The following CYP20A1 variants were observed in gnomAD, a reference collection of about 807,000 sequenced individuals.
The protein encoded by CYP20A1 is cytochrome P450 20A1.
Under a neutral mutation model 61.4 loss-of-function variants are expected in CYP20A1, and 61 were observed. The ratio of observed to expected loss-of-function variants is 0.99; its 90% CI spans 0.81 to 1.23. The LOEUF is 1.23. CYP20A1 is among the 50% of genes most tolerant of loss of function. The pLI is 0.00. For missense variants in CYP20A1, 530 were observed against 542.4 expected, an observed-to-expected ratio of 0.98 and a Z score of 0.23; for synonymous variants, 193 against 188.2, an observed-to-expected ratio of 1.03 and a Z score of -0.21.
intron 7 of CYP20A1, among the ~76,000 whole-genome samples, chr2:203,279,235 G>A (rs2067949271): frequency 6.6e-6 from 1 of 152,062 alleles, no homozygotes; most frequent in African/African-American, 2.4e-5. Flanking sequence ...CAAAGTGCTG[G>A]GATTACAGGT....
intron 11 of CYP20A1, among the ~76,000 whole-genome samples, chr2:203,294,941 A>ATTTTTTTTTTTTTTTTTT (rs1167546590): frequency 2.2e-5 from 1 of 45,432 alleles, no homozygotes; most frequent in Non-Finnish European, 3.9e-5. Flanking sequence ...CTTTAAAAAA[A>ATTTTTTTTTTTTTTTTTT]TTTTTTTTTT....
chr2:203,264,787 T>C (rs1415233049), intron 4 of CYP20A1, among the ~76,000 whole-genome samples: 1 of 152,152 alleles, frequency 6.6e-6, no homozygotes, highest in Non-Finnish European at 1.5e-5. Context: ...TGGAGTGCAG[T>C]GGTGCAATCT....
chr2:203,278,706 T>C lies in CYP20A1; in HGVS notation c.795+18T>C, dbSNP rs939052149. 6.6e-6 allele frequency: 9 copies of C among 1,358,510 alleles called. No individual in the cohort carries two copies. Among genetic ancestry groups the C allele is most frequent in the African/African-American group, 1.5e-5 (1 of 68,062 alleles). 84.2% of individuals were successfully genotyped at this position (1,358,510 alleles called of 1,614,324 possible). On this transcript the variant is annotated intron_variant, in intron 7 of 12. Transcript: ENST00000356079. The stretch of plus-strand genomic sequence containing the variant: ...ACCAACAGGTGATATAATTGTTAAA[T>C]GTTTATCAGGTAAAAAAATAAGCCA...
rs199700245 is a variant in CYP20A1, at chr2:203,278,697, A to G, written c.795+9A>G. 3.7e-5 allele frequency: 53 copies of G among 1,413,380 alleles called. No homozygotes were observed. Among genetic ancestry groups the G allele is most frequent in the Admixed American group, 6.1e-5 (3 of 49,508 alleles). 87.6% of individuals were successfully genotyped at this position (1,413,380 alleles called of 1,614,324 possible). A position where few individuals can be genotyped will look rare whatever the true frequency, so the allele number is the denominator to read the frequency against. On this transcript the variant is annotated intron_variant, in intron 7 of 12. Coordinates refer to ENST00000356079, the MANE Select transcript of CYP20A1 (RefSeq NM_177538.3). ...ACCTTAATGACCAACAGGTGATATA[A>G]TTGTTAAATGTTTATCAGGTAAAAA...
chr2:203,257,149 CAA>C (rs939628433), intron 4 of CYP20A1, among the ~76,000 whole-genome samples: 2 of 139,280 alleles, frequency 1.4e-5, no homozygotes, highest in Non-Finnish European at 3.1e-5. Context: ...CCTGTCTCTA[CAA>C]AAAAAAAAAG....
chr2:203,275,672 T>C (rs2067789993), intron 6 of CYP20A1, among the ~76,000 whole-genome samples: 1 of 152,200 alleles, frequency 6.6e-6, no homozygotes, highest in Non-Finnish European at 1.5e-5. Context: ...ACTCCTGACT[T>C]CAAGTGATCC....
intron 1 of CYP20A1, among the ~76,000 whole-genome samples, 162 bp downstream of exon 1, chr2:203,239,296 G>T (rs954048559): frequency 2.0e-5 from 3 of 152,154 alleles, no homozygotes; most frequent in African/African-American, 7.2e-5. Flanking sequence ...CCGGAGTCAC[G>T]TGACGCCCCT....
chr2:203,264,353 A>G (rs1485010116), intron 4 of CYP20A1, among the ~76,000 whole-genome samples: 1 of 151,990 alleles, frequency 6.6e-6, no homozygotes, highest in Non-Finnish European at 1.5e-5. Flanking sequence ...TAGTCTTATT[A>G]TATATTCTTG....
chr2:203,250,192 G>T (rs775810237), intron 3 of CYP20A1, among the ~76,000 whole-genome samples: 3 of 152,130 alleles, frequency 2.0e-5, no homozygotes, highest in Non-Finnish European at 4.4e-5. Context: ...AAAATTTGAA[G>T]CAACCTAAAT....
chr2:203,240,993 T>G (rs909706174), intron 1 of CYP20A1, among the ~76,000 whole-genome samples: 1 of 152,070 alleles, frequency 6.6e-6, no homozygotes, highest in African/African-American at 2.4e-5. Context: ...GCCAAGTAAT[T>G]AGGAGGATAT....
intron 5 of CYP20A1, 89 bp downstream of exon 5, chr2:203,266,770 CAGGAGTTAA>C (rs2067340159): frequency 8.8e-7 from 1 of 1,138,332 alleles, no homozygotes; most frequent in Admixed American, 1.9e-5. Flanking sequence ...AGGCTGCAGT[CAGGAGTTAA>C]AGACCAGCCT....
At position 203,285,750 on chromosome 2, in the gene CYP20A1, A is replaced by T; in HGVS notation, c.971+18A>T. The T allele has an allele frequency of 6.5e-7, 1 of 1,538,708 alleles. No individual in the cohort carries two copies. Among genetic ancestry groups the T allele is most frequent in the Non-Finnish European group, 8.7e-7 (1 of 1,153,776 alleles). ...CAGCTCAGGTAAGAACACAATAAAA[A>T]GAGGAGATTATTAAAAGGTAAATTT... On this transcript the variant is annotated intron_variant, in intron 9 of 12. Transcript: ENST00000356079.
At chr2:203,294,940 A>ATTTTTTTTTTTTTT (rs1559110323) in intron 11 of CYP20A1, among the ~76,000 whole-genome samples, 1 of 91,248 alleles carries the variant, frequency 1.1e-5, no homozygotes, top group African/African-American at 4.5e-5. Flanking sequence ...CCTTTAAAAA[A>ATTTTTTTTTTTTTT]ATTTTTTTTT....
intron 9 of CYP20A1, among the ~76,000 whole-genome samples, chr2:203,287,809 C>T (rs557567865): frequency 6.6e-6 from 1 of 152,218 alleles, no homozygotes; most frequent in African/African-American, 2.4e-5. Flanking sequence ...CTCACTTGTG[C>T]CTCTTCATAG....
chr2:203,242,571 T>G (rs895393403), intron 1 of CYP20A1, among the ~76,000 whole-genome samples: 1 of 152,068 alleles, frequency 6.6e-6, no homozygotes, highest in African/African-American at 2.4e-5. Context: ...GAGGATTGCT[T>G]GAACTCAGGA....
In CYP20A1 at chr2:203,245,855, C is replaced by T; in HGVS notation, c.82C>T (p.Gln28Ter). 6.2e-7 allele frequency: 1 copy of T among 1,601,038 alleles called. No homozygotes were observed. Among genetic ancestry groups the T allele is most frequent in the Non-Finnish European group, 8.5e-7 (1 of 1,171,276 alleles). ...AVLYLYPASR[Q>*]AAGIPGITPT... ...ACTTTTTTTTTGTAAGGCTTCCAGA[C>T]AAGCTGCAGGAATTCCAGGGATTAC... The change falls in exon 2 of 13, where the codon CAA becomes TAA. Residue 28 changes from glutamine (Q) to a stop codon, truncating the protein, a stop_gained. Transcript: ENST00000356079. LOFTEE classifies it high-confidence loss of function.
At chr2:203,244,732 CTT>C (rs35996822) in intron 1 of CYP20A1, among the ~76,000 whole-genome samples, 56,178 of 123,474 alleles carry the variant, frequency 0.45, 13,028 homozygotes, top group South Asian at 0.66. Flanking sequence ...TGAAATAATT[CTT>C]TTTTTTTTTT....
intron 8 of CYP20A1, among the ~76,000 whole-genome samples, chr2:203,282,911 T>A (rs899518786): frequency 1.3e-5 from 2 of 152,190 alleles, no homozygotes; most frequent in African/African-American, 4.8e-5. Context: ...TGGCTTAAAA[T>A]CACATTTTAA....
At chr2:203,295,294 C>T (rs1265844797) in intron 11 of CYP20A1, among the ~76,000 whole-genome samples, 4 of 151,914 alleles carry the variant, frequency 2.6e-5, no homozygotes, top group Admixed American at 6.6e-5. Flanking sequence ...AGGCTGGTCT[C>T]GAATTCCTGG....
Sources: allele counts gnomAD v4.1 joint callset (sites outside exome capture counted in the v4.1 genomes callset), GRCh38; gene constraint gnomAD v4.1.1; transcripts MANE v1.5; gene names NCBI Gene and HGNC (gene_info 2026-07-23, HGNC 2026-07-21).